Variants in SNX8 observed in about 807,000 individuals in gnomAD.
SNX8 encodes sorting nexin-8.
SNX8 carries 25 observed loss-of-function variants against 51.6 expected under a neutral mutation model. That is an observed-to-expected ratio of 0.48 (90% CI 0.35 to 0.68). The LOEUF (loss-of-function observed/expected upper bound fraction) is 0.68, where lower values mean the gene tolerates loss of function less well. Among genes scored for constraint, SNX8 ranks in the 30% least tolerant of loss-of-function variants. The probability of loss-of-function intolerance (pLI) is 0.00; values close to 1 mark genes in which losing one functional copy is unlikely to be tolerated. For missense variants in SNX8, 695 were observed against 624.0 expected, an observed-to-expected ratio of 1.11 and a Z score of -1.21; for synonymous variants, 324 against 277.0, an observed-to-expected ratio of 1.17 and a Z score of -1.68.
In SNX8 at chr7:2,271,811, TC is replaced by T. The variant is rs150387201; in HGVS notation, c.540+38del. 885 of 1,566,372 alleles carry T rather than the reference TC, an allele frequency of 5.6e-4. 2 individuals are homozygous for T. The African/African-American group carries it at 0.011, about 19-fold the overall frequency. ...AAGGCGGGTCCGGAGGCTCGGGGAC[TC>T]CCCGGGGCCGGGACATGGGCAGGGC... On this transcript the variant is annotated intron_variant, in intron 4 of 10. Transcript: ENST00000222990.
upstream of SNX8, among the ~76,000 whole-genome samples, chr7:2,316,114 CT>C (rs200794044): frequency 1.4e-4 from 21 of 151,194 alleles, no homozygotes; most frequent in East Asian, 3.7e-3. Flanking sequence ...CACTCACTCA[CT>C]CACTGCATCC....
chr7:2,267,731 C>G (rs1314380834), intron 5 of SNX8, among the ~76,000 whole-genome samples: 2 of 146,460 alleles, frequency 1.4e-5, no homozygotes, highest in African/African-American at 2.5e-5. Context: ...GCCCGGCCGC[C>G]ACCCCGTCTG....
intron 1 of SNX8, among the ~76,000 whole-genome samples, chr7:2,350,227 C>T (rs984965960): frequency 2.6e-5 from 4 of 152,118 alleles, no homozygotes; most frequent in Admixed American, 6.6e-5. Context: ...CCCAAGCCTG[C>T]GAGGTAAGAA....
At chr7:2,319,112 G>A (rs1796796648), upstream of SNX8, among the ~76,000 whole-genome samples, 2 of 152,090 alleles carry the variant, frequency 1.3e-5, no homozygotes, top group African/African-American at 4.8e-5. Context: ...GCCGAGACCA[G>A]CAGATCACCT....
At chr7:2,286,168 C>A (rs932575064) in intron 1 of SNX8, among the ~76,000 whole-genome samples, 1 of 151,814 alleles carries the variant, frequency 6.6e-6, no homozygotes, top group Non-Finnish European at 1.5e-5. Context: ...CACACCACCA[C>A]ACCTGACTAA....
chr7:2,262,414 C>G (rs769379966), intron 7 of SNX8, among the ~76,000 whole-genome samples: 1 of 152,192 alleles, frequency 6.6e-6, no homozygotes, highest in Non-Finnish European at 1.5e-5. Flanking sequence ...TATCTTCAAA[C>G]TGATCCCAAA....
At chr7:2,266,722 T>C (rs1795473117) in intron 5 of SNX8, among the ~76,000 whole-genome samples, 1 of 151,932 alleles carries the variant, frequency 6.6e-6, no homozygotes, top group African/African-American at 2.4e-5. Context: ...GGTTTTGCTA[T>C]GTTGGCCAGG....
Position 2,257,781 on chromosome 7 carries a change from A to ACGTC in SNX8, c.934_937dup (p.Val313GlyfsTer17). The ACGTC allele has an allele frequency of 6.2e-7, 1 of 1,613,912 alleles. No individual in the cohort carries two copies. Among genetic ancestry groups the ACGTC allele is most frequent in the Non-Finnish European group, 8.5e-7 (1 of 1,179,982 alleles). ...CAAGAAGAGGTTCAGCTTCTCCACCACGTCGTTCTCTTCCTGCTTACCCTG... is the reference window on the plus strand; with the variant it reads ...CAAGAAGAGGTTCAGCTTCTCCACCACGTCCGTCGTTCTCTTCCTGCTTACCCTG... On this transcript the variant is annotated frameshift_variant, in exon 8 of 11. Transcript: ENST00000222990. LOFTEE classifies it high-confidence loss of function.
At position 2,274,129 on chromosome 7, in the gene SNX8, C is replaced by A. The variant is rs560647374; in HGVS notation, c.418+983G>T. Among the ~76,000 whole-genome samples, 12 of 152,366 alleles carry A rather than the reference C, an allele frequency of 7.9e-5. No homozygotes were observed. The South Asian group carries it at 2.5e-3, about 32-fold the overall frequency. On this transcript the variant is annotated intron_variant, in intron 3 of 10. Transcript: ENST00000222990. Reference sequence around the variant, plus strand: ...CCAGCATCACACATCCCTGTCGCGTCCTCTGCTCTCTGCTGCCCTGAGCGC... The same window carrying A: ...CCAGCATCACACATCCCTGTCGCGTACTCTGCTCTCTGCTGCCCTGAGCGC...
intron 1 of SNX8, among the ~76,000 whole-genome samples, chr7:2,327,666 C>G (rs1203573066): frequency 1.3e-5 from 2 of 151,248 alleles, no homozygotes; most frequent in Non-Finnish European, 3.0e-5. Flanking sequence ...CTCGGCCTCC[C>G]AAAGTGCTGG....
intron 1 of SNX8, among the ~76,000 whole-genome samples, chr7:2,347,871 T>C (rs1779061382): frequency 6.8e-6 from 1 of 146,030 alleles, no homozygotes. Flanking sequence ...CTGGAACTCC[T>C]GACCTCAGGT....
At chr7:2,294,878 T>A (rs1584713035) in intron 1 of SNX8, among the ~76,000 whole-genome samples, 1 of 150,676 alleles carries the variant, frequency 6.6e-6, no homozygotes, top group African/African-American at 2.4e-5. Flanking sequence ...TACAAAAAAA[T>A]AAAAAGTCAG....
intron 1 of SNX8, among the ~76,000 whole-genome samples, chr7:2,347,414 G>A (rs1039746397): frequency 6.8e-6 from 1 of 146,622 alleles, no homozygotes; most frequent in Non-Finnish European, 1.5e-5. Context: ...CTAGGAGGTG[G>A]AGATTGCAGG....
In SNX8 at chr7:2,331,940, T is replaced by A. The variant is rs546169592; in HGVS notation, c.-66+22282A>T. ...ATATTACAAGGCCGGGCGTGGTGGC[T>A]CAGTCCTGCAATCCCAGCACTTTGA... On this transcript the variant is annotated intron_variant, in intron 1 of 5. Coordinates refer to the SNX8 transcript ENST00000435336. Among the ~76,000 whole-genome samples, 8 of 151,760 alleles carry A rather than the reference T, an allele frequency of 5.3e-5. No individual in the cohort carries two copies. In the East Asian group the frequency reaches 1.6e-3, roughly 30 times the overall value.
intron 1 of SNX8, among the ~76,000 whole-genome samples, chr7:2,285,008 C>T (rs148068310): frequency 2.9e-4 from 44 of 151,708 alleles, no homozygotes; most frequent in African/African-American, 3.9e-4. Flanking sequence ...GTCAGGAGAT[C>T]GAGACCATCC....
intron 7 of SNX8, among the ~76,000 whole-genome samples, chr7:2,259,285 C>T (rs1158596089): frequency 2.0e-5 from 3 of 152,220 alleles, no homozygotes; most frequent in Non-Finnish European, 2.9e-5. Context: ...CCGACACTGA[C>T]GCCTTCAGTC....
rs759990858 is a variant in SNX8 at position 2,257,850 on chromosome 7, G to A, written c.916-47C>T. ...ACCCACGCGGACGCACATAGGACCC[G>A]GTCCCTGCCCGGGAACTCAGACCCA... On this transcript the variant is annotated intron_variant, in intron 7 of 10. Transcript: ENST00000222990. The A allele has an allele frequency of 3.8e-6, 6 of 1,571,858 alleles. No homozygotes were observed. In the South Asian group the frequency reaches 5.5e-5, roughly 15 times the overall value.
chr7:2,264,005 C>T (rs547532444), intron 6 of SNX8, among the ~76,000 whole-genome samples: 3 of 152,090 alleles, frequency 2.0e-5, no homozygotes, highest in Non-Finnish European at 2.9e-5. Flanking sequence ...TGAGCCACCA[C>T]GCCTGGCCTG....
intron 1 of SNX8, among the ~76,000 whole-genome samples, chr7:2,293,747 G>A (rs1460438827): frequency 3.3e-5 from 5 of 150,806 alleles, no homozygotes; most frequent in Non-Finnish European, 7.4e-5. Flanking sequence ...GGCGGATCAC[G>A]AGGTCAGGAG....
Sources: gnomAD v4.1 joint callset for allele counts (sites outside exome capture counted in the v4.1 genomes callset) on GRCh38, gnomAD v4.1.1 for gene constraint, MANE v1.5 for transcripts, NCBI Gene and HGNC (gene_info 2026-07-23, HGNC 2026-07-21) for gene names.